The following GIGYF2 variants were observed in gnomAD, a reference collection of about 807,000 sequenced individuals.
GIGYF2 encodes GRB10 interacting GYF protein 2.
A neutral mutation model predicts 208.1 loss-of-function variants in GIGYF2; 25 were observed. That is an observed-to-expected ratio of 0.12 (90% CI 0.09 to 0.17). The LOEUF (loss-of-function observed/expected upper bound fraction) is 0.17. Ranked by LOEUF, GIGYF2 falls within the 10% of genes least tolerant of loss-of-function variation. The pLI, the probability that GIGYF2 is intolerant of heterozygous loss-of-function variation, is 1.00. For missense variants in GIGYF2, 1,302 were observed against 1,579.4 expected (o/e 0.82, Z 2.98); for synonymous variants, 534 against 543.8 (o/e 0.98, Z 0.25).
At chr2:232,824,570 A>G (rs139446939) in intron 21 of GIGYF2, among the ~76,000 whole-genome samples, 44 of 152,314 alleles carry the variant, frequency 2.9e-4, no homozygotes, top group East Asian at 1.4e-3. Flanking sequence ...TGAAGAAGAA[A>G]AGTTTGAAGC....
At chr2:232,771,817 T>C (rs1699264314) in intron 8 of GIGYF2, among the ~76,000 whole-genome samples, 1 of 152,198 alleles carries the variant, frequency 6.6e-6, no homozygotes, top group African/African-American at 2.4e-5. Context: ...AATATGTAAG[T>C]GTTCTTCTGT....
intron 2 of GIGYF2, among the ~76,000 whole-genome samples, chr2:232,710,647 A>G (rs1008513848): frequency 2.6e-5 from 4 of 151,498 alleles, no homozygotes; most frequent in Non-Finnish European, 5.9e-5. Context: ...GTTTGAAAAC[A>G]CTAGATACTT....
intron 8 of GIGYF2, among the ~76,000 whole-genome samples, chr2:232,769,617 T>G (rs1377493203): frequency 6.6e-6 from 1 of 152,002 alleles, no homozygotes; most frequent in Non-Finnish European, 1.5e-5. Context: ...GGACTGACTA[T>G]CAGGTAATTT....
At chr2:232,729,482 C>A in intron 2 of GIGYF2, 1 of 1,022,816 alleles carries the variant, frequency 9.8e-7, no homozygotes, top group Non-Finnish European at 1.3e-6. Context: ...TTTAATTAAC[C>A]TCTCAAGCTT....
At chr2:232,786,756 G>A (rs190875784) in intron 8 of GIGYF2, among the ~76,000 whole-genome samples, 35 of 152,238 alleles carry the variant, frequency 2.3e-4, no homozygotes, top group Admixed American at 6.5e-4. Context: ...CCTGAGGGTG[G>A]CGTTTGTGTG....
At chr2:232,805,349 C>T (rs1272988922) in intron 14 of GIGYF2, among the ~76,000 whole-genome samples, 1 of 152,028 alleles carries the variant, frequency 6.6e-6, no homozygotes, top group Non-Finnish European at 1.5e-5. Flanking sequence ...TCAGTTCTGT[C>T]AGATCCTGTT....
At chr2:232,730,320 A>C in intron 2 of GIGYF2, 1 of 542,164 alleles carries the variant, frequency 1.8e-6, no homozygotes, top group East Asian at 3.5e-5. Flanking sequence ...TCTTTACTTT[A>C]GGGGCCGGGT....
intron 6 of GIGYF2, among the ~76,000 whole-genome samples, chr2:232,759,105 A>G (rs946841327): frequency 6.6e-6 from 1 of 152,058 alleles, no homozygotes; most frequent in Non-Finnish European, 1.5e-5. Flanking sequence ...AATTTGGTGC[A>G]TTATTTTGAT....
chr2:232,760,723 T>A lies in GIGYF2; in HGVS notation c.491+132T>A, dbSNP rs780314440. ...AAAAAATGCTCTTAAGTATTGAACA[T>A]CAAGTTGTACATTAGAAATTTTTAA... On this transcript the variant is annotated intron_variant, in intron 7 of 28. Coordinates refer to ENST00000373563, the MANE Select transcript of GIGYF2 (RefSeq NM_001103146.3). The A allele has an allele frequency of 1.6e-3, 1,031 of 664,466 alleles. 6 individuals carry two copies. Among genetic ancestry groups the A allele is most frequent in the Non-Finnish European group, 1.9e-3 (682 of 365,344 alleles). 41.2% of individuals were successfully genotyped at this position (664,466 alleles called of 1,614,324 possible). A position where few individuals can be genotyped will look rare whatever the true frequency, so the allele number is the denominator to read the frequency against.
intron 3 of GIGYF2, chr2:232,736,252 T>G (rs995053299): frequency 2.9e-5 from 20 of 698,982 alleles, no homozygotes; most frequent in Admixed American, 2.5e-4. Context: ...CTGTACTTGT[T>G]TTAGTTATTC....
At chr2:232,850,192 C>A in intron 27 of GIGYF2, 70 bp from the exon 28 acceptor site, 1 of 1,338,188 alleles carries the variant, frequency 7.5e-7, no homozygotes, top group South Asian at 1.2e-5. Flanking sequence ...GAGGACAAAC[C>A]AAACATTTTC....
chr2:232,699,560 A>G (rs921278280), intron 1 of GIGYF2, among the ~76,000 whole-genome samples: 1 of 152,196 alleles, frequency 6.6e-6, no homozygotes, highest in African/African-American at 2.4e-5. Context: ...ATTATAATGA[A>G]TTATCTTTCT....
chr2:232,829,141 T>G (rs1252671966), intron 21 of GIGYF2, among the ~76,000 whole-genome samples: 1 of 152,200 alleles, frequency 6.6e-6, no homozygotes, highest in Non-Finnish European at 1.5e-5. Flanking sequence ...ATTTGTTCAT[T>G]TCTTCCTTTA....
At position 232,704,863 on chromosome 2, in the gene GIGYF2, T is replaced by TA. The variant is rs1224171057; in HGVS notation, c.-44+1374_-44+1375insA. Among the ~76,000 whole-genome samples the TA allele has an allele frequency of 6.0e-3, 832 of 139,784 alleles. 6 individuals carry two copies. Among genetic ancestry groups the TA allele is most frequent in the African/African-American group, 0.021 (793 of 37,532 alleles). The allele number at this position is 139,784 out of a possible 152,430, so 91.7% of individuals were successfully genotyped here. A position where few individuals can be genotyped will look rare whatever the true frequency, so the allele number is the denominator to read the frequency against. The stretch of plus-strand genomic sequence containing the variant: ...ATAAATTTTAACTTCTGGATTTTTT[T>TA]TTTTTTTTTTTTTTGAGACAGAGTC... On this transcript the variant is annotated intron_variant, in intron 2 of 28. Transcript: ENST00000373563.
intron 8 of GIGYF2, chr2:232,768,274 G>A (rs757634383): frequency 1.9e-6 from 3 of 1,614,024 alleles, no homozygotes; most frequent in Non-Finnish European, 1.7e-6. Context: ...GTCCTGTTTG[G>A]GCTTTTAGAA....
At chr2:232,725,710 A>C (rs1397750661) in intron 2 of GIGYF2, among the ~76,000 whole-genome samples, 1 of 152,228 alleles carries the variant, frequency 6.6e-6, no homozygotes, top group Non-Finnish European at 1.5e-5. Flanking sequence ...TGTAGTCCTT[A>C]TCACATGGTA....
chr2:232,708,641 C>G (rs1435188739), intron 2 of GIGYF2, among the ~76,000 whole-genome samples: 1 of 148,712 alleles, frequency 6.7e-6, no homozygotes. Flanking sequence ...TGGAGACCAG[C>G]CTGGGCAACA....
intron 8 of GIGYF2, among the ~76,000 whole-genome samples, chr2:232,783,574 A>G (rs1476165811): frequency 6.6e-6 from 1 of 152,198 alleles, no homozygotes; most frequent in Non-Finnish European, 1.5e-5. Context: ...GCCATTTTGA[A>G]CAATACTTGT....
chr2:232,812,743 T>G (rs775045110), intron 18 of GIGYF2, among the ~76,000 whole-genome samples: 1 of 152,130 alleles, frequency 6.6e-6, no homozygotes, highest in Non-Finnish European at 1.5e-5. Flanking sequence ...TTCTGATCAG[T>G]GTGGAAAAAT....
Sources: allele counts gnomAD v4.1 joint callset (sites outside exome capture counted in the v4.1 genomes callset), GRCh38; gene constraint gnomAD v4.1.1; transcripts MANE v1.5; gene names NCBI Gene and HGNC (gene_info 2026-07-23, HGNC 2026-07-21).